The following ITPKB variants were observed in gnomAD, a reference collection of about 807,000 sequenced individuals.
The protein encoded by ITPKB is inositol-trisphosphate 3-kinase B, also known as IP3 3-kinase B.
In ITPKB, 13 loss-of-function variants were observed where a neutral mutation model predicts 69.4. The ratio of observed to expected loss-of-function variants is 0.19; its 90% CI spans 0.12 to 0.30. The LOEUF (loss-of-function observed/expected upper bound fraction) is 0.30. Among genes scored for constraint, ITPKB ranks in the 10% least tolerant of loss-of-function variants. The pLI is 1.00. For synonymous variants in ITPKB, 584 were observed against 513.7 expected (o/e 1.14, Z -1.85); for missense variants, 1,240 against 1,250.5 (o/e 0.99, Z 0.13).
At chr1:226,728,104 T>C (rs987675863) in intron 2 of ITPKB, among the ~76,000 whole-genome samples, 13 of 152,326 alleles carry the variant, frequency 8.5e-5, no homozygotes, top group African/African-American at 2.9e-4. Flanking sequence ...CTCCTCCCAC[T>C]CCAAGTGAAA....
At chr1:226,682,842 T>C (rs1656120329) in intron 2 of ITPKB, among the ~76,000 whole-genome samples, 1 of 152,154 alleles carries the variant, frequency 6.6e-6, no homozygotes, top group African/African-American at 2.4e-5. Flanking sequence ...TTGTTCTCCA[T>C]CTCTAGTCCC....
At chr1:226,733,349 ACT>A (rs1021743696) in intron 2 of ITPKB, among the ~76,000 whole-genome samples, 2 of 151,994 alleles carry the variant, frequency 1.3e-5, no homozygotes, top group Non-Finnish European at 2.9e-5. Flanking sequence ...CAGCCAAAAG[ACT>A]CACTCCATCA....
rs708776 is a variant in ITPKB at position 226,735,804 on chromosome 1, G to T, written c.1655C>A (p.Pro552Gln). ...LPSPELLPQD[P>Q]DKPFLRKACS... Reference sequence around the variant, plus strand: ...GGCCTTCCTCAGGAAAGGCTTGTCCGGATCTTGGGGTAGCAGCTCCGGACT... The same window carrying T: ...GGCCTTCCTCAGGAAAGGCTTGTCCTGATCTTGGGGTAGCAGCTCCGGACT... Residue 552 changes from proline to glutamine, a missense_variant, in exon 2 of 8, where the codon CCG becomes CAG. Physicochemically the swap from Pro to Gln is moderately conservative, Grantham distance 76. This residue lies in a region of ITPKB where 992 missense variants were observed against 853.8 expected (regional missense o/e 1.16). Coordinates refer to ENST00000429204, the MANE Select transcript of ITPKB (RefSeq NM_002221.4). The T allele has an allele frequency of 0.95, 1,527,470 of 1,607,554 alleles. 726,057 individuals carry two copies. Among genetic ancestry groups the T allele is most frequent in the East Asian group, 1 (44,607 of 44,610 alleles).
intron 2 of ITPKB, among the ~76,000 whole-genome samples, chr1:226,732,572 G>C (rs1414709874): frequency 3.5e-5 from 5 of 144,100 alleles, no homozygotes; most frequent in Non-Finnish European, 6.0e-5. Flanking sequence ...ACATATAACT[G>C]ACAGAACAAT....
At chr1:226,655,549 GC>G (rs1163765568) in intron 2 of ITPKB, among the ~76,000 whole-genome samples, 58 of 152,362 alleles carry the variant, frequency 3.8e-4, no homozygotes, top group African/African-American at 1.3e-3. Flanking sequence ...CCTGGCAGGA[GC>G]GGTGAGGATG....
Position 226,735,768 on chromosome 1 carries a change from C to G in ITPKB, c.1691G>C (p.Ser564Thr), listed in dbSNP as rs1657729557. The G allele has an allele frequency of 1.3e-6, 2 of 1,599,184 alleles. No homozygotes were observed. The highest frequency in any genetic ancestry group is 1.3e-5 in the African/African-American group (1 of 74,636). ...TGTAATGATGACAGCAGGTATGTTG[C>G]TGGGGCTGCAGGCCTTCCTCAGGAA... ...KPFLRKACSP[S>T]NIPAVIITDM... Residue 564 changes from serine to threonine, a missense_variant, in exon 2 of 8, where the codon AGC (serine) becomes ACC (threonine). Transcript: ENST00000429204.
chr1:226,703,239 A>T (rs998165993), intron 2 of ITPKB, among the ~76,000 whole-genome samples: 1 of 152,202 alleles, frequency 6.6e-6, no homozygotes, highest in African/African-American at 2.4e-5. Context: ...CAGGAGAAAG[A>T]CCGAGTGCTA....
At chr1:226,687,533 C>T (rs1656244388) in intron 2 of ITPKB, among the ~76,000 whole-genome samples, 1 of 152,186 alleles carries the variant, frequency 6.6e-6, no homozygotes, top group South Asian at 2.1e-4. Context: ...CCACTGAGAC[C>T]AAGGGTGCTG....
intron 7 of ITPKB, among the ~76,000 whole-genome samples, 196 bp from the exon 8 acceptor site, chr1:226,635,082 T>A (rs1038838883): frequency 4.6e-5 from 7 of 152,232 alleles, no homozygotes; most frequent in Non-Finnish European, 7.4e-5. Context: ...GGCATCGGGT[T>A]CCAGGGTCGG....
chr1:226,648,201 G>A (rs1371180928), intron 3 of ITPKB, among the ~76,000 whole-genome samples: 1 of 152,212 alleles, frequency 6.6e-6, no homozygotes, highest in Non-Finnish European at 1.5e-5. Context: ...ACCAGCTGCA[G>A]GCTCCCTCAG....
At chr1:226,734,702 C>G (rs1487115531) in intron 2 of ITPKB, among the ~76,000 whole-genome samples, 2 of 152,212 alleles carry the variant, frequency 1.3e-5, no homozygotes, top group Admixed American at 1.3e-4. Context: ...TAGAAATAAA[C>G]TCCTGTCTAC....
chr1:226,731,927 A>AT (rs1657598628), intron 2 of ITPKB, among the ~76,000 whole-genome samples: 1 of 152,240 alleles, frequency 6.6e-6, no homozygotes, highest in African/African-American at 2.4e-5. Context: ...CAACAGATGC[A>AT]TTTTTTAAAG....
chr1:226,704,397 C>A (rs1656753373), intron 2 of ITPKB, among the ~76,000 whole-genome samples: 1 of 152,154 alleles, frequency 6.6e-6, no homozygotes, highest in Admixed American at 6.5e-5. Context: ...GTTATCATAC[C>A]TGGTCAACAC....
intron 7 of ITPKB, among the ~76,000 whole-genome samples, chr1:226,635,389 T>C (rs896083419): frequency 1.3e-5 from 2 of 152,080 alleles, no homozygotes; most frequent in African/African-American, 4.8e-5. Flanking sequence ...CCCGGCTAAC[T>C]TTTTGTTTTT....
At chr1:226,714,118 T>C (rs1657038660) in intron 2 of ITPKB, among the ~76,000 whole-genome samples, 1 of 152,174 alleles carries the variant, frequency 6.6e-6, no homozygotes, top group South Asian at 2.1e-4. Context: ...TGTCCCCAAA[T>C]ATTTCTAGTT....
At chr1:226,686,270 C>G (rs1391172760) in intron 2 of ITPKB, among the ~76,000 whole-genome samples, 1 of 152,218 alleles carries the variant, frequency 6.6e-6, no homozygotes, top group African/African-American at 2.4e-5. Flanking sequence ...TGAAGAATGT[C>G]TCCAACTCCC....
At chr1:226,710,242 T>G (rs1251162124) in intron 2 of ITPKB, among the ~76,000 whole-genome samples, 1 of 152,170 alleles carries the variant, frequency 6.6e-6, no homozygotes, top group Non-Finnish European at 1.5e-5. Context: ...CCTGTGTTCA[T>G]GGTGAGCCCT....
intron 2 of ITPKB, among the ~76,000 whole-genome samples, chr1:226,705,905 G>T (rs1656791945): frequency 6.6e-6 from 1 of 152,246 alleles, no homozygotes; most frequent in South Asian, 2.1e-4. Flanking sequence ...TGCTGGGAAA[G>T]CACTTGTAGA....
Position 226,736,673 on chromosome 1 carries a change from A to G in ITPKB, c.786T>C (p.Pro262=). The change falls in exon 2 of 8, where the codon CCT becomes CCC. Residue 262 remains proline, a synonymous_variant. Coordinates refer to ENST00000429204, the MANE Select transcript of ITPKB (RefSeq NM_002221.4). ...TGGGTGAGCCACAGCGGGGACTGGC[A>G]GGGATACCCTTCTCCATCCTTACAA... is the stretch of plus-strand genomic sequence containing the variant. ...SAFVRMEKGI[P]ASPRCGSPTA... 6.2e-7 allele frequency: 1 copy of G among 1,613,270 alleles called. No individual in the cohort carries two copies. Among genetic ancestry groups the G allele is most frequent in the Non-Finnish European group, 8.5e-7 (1 of 1,179,956 alleles).
Sources: allele counts gnomAD v4.1 joint callset (sites outside exome capture counted in the v4.1 genomes callset), GRCh38; gene constraint gnomAD v4.1.1; regional missense constraint gnomAD v4.1.1; transcripts MANE v1.5; gene names NCBI Gene and HGNC (gene_info 2026-07-23, HGNC 2026-07-21).